The following TOM1L2 variants were observed in gnomAD, a reference collection of about 807,000 sequenced individuals.
TOM1L2 encodes TOM1-like protein 2.
Under a neutral mutation model 67.9 loss-of-function variants are expected in TOM1L2, and 31 were observed. The ratio of observed to expected loss-of-function variants is 0.46; its 90% CI spans 0.34 to 0.62. The LOEUF (loss-of-function observed/expected upper bound fraction) is 0.62. Ranked by LOEUF, TOM1L2 falls within the 20% of genes least tolerant of loss-of-function variation. The pLI, the probability that TOM1L2 is intolerant of heterozygous loss-of-function variation, is 0.01. For synonymous variants in TOM1L2, 256 were observed against 254.0 expected, an observed-to-expected ratio of 1.01 and a Z score of -0.07; for missense variants, 606 against 663.5, an observed-to-expected ratio of 0.91 and a Z score of 0.95.
rs201662293 is a variant in TOM1L2, at chr17:17,884,601, G to C, written c.501+33C>G. ...AGCTTGGCTCACCCGTTCTGCAGTA[G>C]GTCTTTCTAGAAAGTGCCAGCTGGA... On this transcript the variant is annotated intron_variant, in intron 5 of 14. Coordinates refer to ENST00000379504, the MANE Select transcript of TOM1L2 (RefSeq NM_001082968.2). The C allele has an allele frequency of 1.2e-5, 19 of 1,613,272 alleles. No individual in the cohort carries two copies. The East Asian group carries it at 4.0e-4, about 34-fold the overall frequency.
intron 2 of TOM1L2, among the ~76,000 whole-genome samples, chr17:17,906,441 G>T (rs2039103630): frequency 1.3e-5 from 2 of 151,566 alleles, no homozygotes; most frequent in Admixed American, 1.3e-4. Flanking sequence ...GACTTTTCTT[G>T]ATCACTCTAT....
rs2036851561 is a variant in TOM1L2 at position 17,866,394 on chromosome 17, T to C, written c.986A>G (p.Asn329Ser). The C allele has an allele frequency of 1.2e-6, 2 of 1,604,002 alleles. No individual in the cohort carries two copies. Among genetic ancestry groups the C allele is most frequent in the Non-Finnish European group, 1.7e-6 (2 of 1,174,316 alleles). ...NGVLNEVTED[N>S]LIDLGPGSPA... ...AGACCCTGGCCCCAGGTCTATTAAG[T>C]TGTCTTCGGTTACTTCATTCAGTAC... Residue 329 changes from asparagine to serine, a missense_variant, in exon 10 of 15, where the codon AAC becomes AGC. Physicochemically the swap from Asn to Ser is conservative, Grantham distance 46. Transcript: ENST00000379504.
In TOM1L2 at chr17:17,869,342, C is replaced by G. The variant is rs1364271756; in HGVS notation, c.909G>C (p.Glu303Asp). 1.2e-6 allele frequency: 2 copies of G among 1,610,472 alleles called. No homozygotes were observed. Among genetic ancestry groups the G allele is most frequent in the South Asian group, 1.1e-5 (1 of 90,936 alleles). The change falls in exon 8 of 15, where the codon GAG becomes GAC. Residue 303 changes from glutamate to aspartate, a missense_variant and splice_region_variant. This residue lies in a region of TOM1L2 where 543 missense variants were observed against 554.0 expected (regional missense o/e 0.98). Transcript: ENST00000379504. ...AAAAAAAGAAATCCGGCTCCCACCT[C>G]TCGTATCGAAGGAAGACGTTGTTGA... The part of the protein sequence containing the change: ...DDLNNVFLRY[E>D]RFERYRSGRS...
chr17:17,962,668 G>A (rs949687653), intron 1 of TOM1L2, among the ~76,000 whole-genome samples: 2 of 151,376 alleles, frequency 1.3e-5, no homozygotes, highest in Non-Finnish European at 2.9e-5. Flanking sequence ...AGTTAAAATT[G>A]TAAATTTTGG....
intron 1 of TOM1L2, among the ~76,000 whole-genome samples, chr17:17,929,586 G>A (rs1223576129): frequency 4.6e-5 from 7 of 152,076 alleles, no homozygotes; most frequent in South Asian, 4.2e-4. Context: ...AGCCGAGATC[G>A]CACCATTGTA....
At chr17:17,906,221 T>A (rs1222524026) in intron 2 of TOM1L2, among the ~76,000 whole-genome samples, 1 of 151,712 alleles carries the variant, frequency 6.6e-6, no homozygotes, top group East Asian at 1.9e-4. Context: ...CTCGACCTCC[T>A]GGGCTCAAGT....
chr17:17,950,038 T>C (rs1203418124), intron 1 of TOM1L2, among the ~76,000 whole-genome samples: 1 of 151,070 alleles, frequency 6.6e-6, no homozygotes, highest in Non-Finnish European at 1.5e-5. Context: ...GCCTGGCTAA[T>C]TTTTTTTTGT....
intron 1 of TOM1L2, among the ~76,000 whole-genome samples, chr17:17,951,626 A>C (rs1489782530): frequency 1.3e-5 from 2 of 152,240 alleles, no homozygotes; most frequent in East Asian, 3.8e-4. Context: ...AAACCTTTCA[A>C]GAAACGTAAA....
intron 5 of TOM1L2, among the ~76,000 whole-genome samples, chr17:17,883,807 A>C (rs1177092401): frequency 6.6e-6 from 1 of 152,174 alleles, no homozygotes; most frequent in African/African-American, 2.4e-5. Context: ...CATTAAAATT[A>C]AGTCGTGTTC....
chr17:17,943,922 G>A (rs1380254175), intron 1 of TOM1L2, among the ~76,000 whole-genome samples: 1 of 152,088 alleles, frequency 6.6e-6, no homozygotes, highest in East Asian at 1.9e-4. Context: ...TCTCTTCCTT[G>A]CACATCCCTC....
chr17:17,860,294 T>G (rs1014336635), intron 12 of TOM1L2, among the ~76,000 whole-genome samples: 3 of 152,212 alleles, frequency 2.0e-5, no homozygotes, highest in Non-Finnish European at 4.4e-5. Context: ...CTGCATTGAT[T>G]TTGAGTGTCC....
At chr17:17,858,840 C>CAA (rs1046069009) in intron 12 of TOM1L2, 1 of 152,292 alleles carries the variant, frequency 6.6e-6, no homozygotes. Flanking sequence ...CTCAGCCTCT[C>CAA]AAAGTGCTGG....
intron 1 of TOM1L2, among the ~76,000 whole-genome samples, chr17:17,952,376 CTTTTTTTTTT>C (rs60388742): frequency 1.3e-3 from 104 of 79,886 alleles, no homozygotes; most frequent in African/African-American, 4.1e-3. Context: ...TCTTTATTTT[CTTTTTTTTTT>C]TTTTTTTTTT....
intron 7 of TOM1L2, among the ~76,000 whole-genome samples, chr17:17,876,773 G>A (rs2037445860): frequency 6.6e-6 from 1 of 152,230 alleles, no homozygotes; most frequent in Non-Finnish European, 1.5e-5. Flanking sequence ...TCATAGGCCT[G>A]TGTAATTTGT....
In TOM1L2 at chr17:17,847,782, C is replaced by T. The variant is rs1365811378; in HGVS notation, c.1377G>A (p.Glu459=). ...CTCTTTCTTCAAGGAATTTATCAAA[C>T]TCTGCAATACAAACCAAGGCAAGGG... ...DDLEEGVTSE[E]FDKFLEERAK... The change falls in exon 15 of 15, where the codon GAG becomes GAA. Residue 459 remains glutamate, a splice_region_variant and synonymous_variant. Transcript: ENST00000379504. 3 of 1,613,884 alleles carry T rather than the reference C, an allele frequency of 1.9e-6. No homozygotes were observed. Among genetic ancestry groups the T allele is most frequent in the Non-Finnish European group, 2.5e-6 (3 of 1,179,998 alleles).
intron 1 of TOM1L2, among the ~76,000 whole-genome samples, chr17:17,924,410 G>T (rs927306796): frequency 4.6e-5 from 7 of 152,170 alleles, no homozygotes; most frequent in African/African-American, 1.7e-4. Flanking sequence ...CTTGTACATT[G>T]TAAATGGGTG....
intron 7 of TOM1L2, chr17:17,869,698 T>C: frequency 7.4e-6 from 10 of 1,359,052 alleles, no homozygotes; most frequent in Non-Finnish European, 9.5e-6. Context: ...TGTCCAGACA[T>C]ACTGTTGTAT....
intron 4 of TOM1L2, among the ~76,000 whole-genome samples, chr17:17,885,152 A>T (rs1223479329): frequency 6.6e-6 from 1 of 152,274 alleles, no homozygotes; most frequent in East Asian, 1.9e-4. Flanking sequence ...TTGTCAGCTC[A>T]GCAGGGTGCC....
intron 1 of TOM1L2, among the ~76,000 whole-genome samples, chr17:17,948,971 T>TA (rs1216816250): frequency 1.3e-5 from 2 of 151,954 alleles, no homozygotes; most frequent in African/African-American, 2.4e-5. Flanking sequence ...GCCAAAAAGT[T>TA]AAGAGTGCCA....
Sources: allele counts gnomAD v4.1 joint callset (sites outside exome capture counted in the v4.1 genomes callset), GRCh38; gene constraint gnomAD v4.1.1; regional missense constraint gnomAD v4.1.1; transcripts MANE v1.5; gene names NCBI Gene and HGNC (gene_info 2026-07-23, HGNC 2026-07-21).